Variants in FMN1 observed in about 807,000 individuals in gnomAD.
The protein encoded by FMN1 is formin-1.
Under a neutral mutation model 132.4 loss-of-function variants are expected in FMN1, and 110 were observed. That is an observed-to-expected ratio of 0.83 (90% CI 0.71 to 0.97). FMN1 has a LOEUF of 0.97. FMN1 is among the 50% of genes least tolerant of loss of function. The pLI, the probability that FMN1 is intolerant of heterozygous loss-of-function variation, is 0.00. For synonymous variants in FMN1, 722 were observed against 651.7 expected (o/e 1.11, Z -1.64); for missense variants, 1,792 against 1,705.3 (o/e 1.05, Z -0.90).
chr15:32,832,212 G>C (rs953957158), intron 17 of FMN1, among the ~76,000 whole-genome samples: 2 of 152,174 alleles, frequency 1.3e-5, no homozygotes, highest in African/African-American at 2.4e-5. Flanking sequence ...AATGGTAGCA[G>C]GGAAGACATA....
At chr15:32,849,342 T>C (rs959956386) in intron 17 of FMN1, among the ~76,000 whole-genome samples, 3 of 152,054 alleles carry the variant, frequency 2.0e-5, no homozygotes, top group Non-Finnish European at 4.4e-5. Context: ...ATTCATTTTT[T>C]GCTTCATTTT....
At chr15:33,101,286 G>A (rs1004451226) in intron 4 of FMN1, among the ~76,000 whole-genome samples, 1 of 152,088 alleles carries the variant, frequency 6.6e-6, no homozygotes, top group African/African-American at 2.4e-5. Context: ...TACTGGAGGA[G>A]GTTGGCGATT....
intron 17 of FMN1, among the ~76,000 whole-genome samples, chr15:32,824,656 CAATCAAGGCTCA>C (rs1017264106): frequency 8.5e-5 from 13 of 152,148 alleles, no homozygotes; most frequent in African/African-American, 3.1e-4. Flanking sequence ...CACAGTGGTG[CAATCAAGGCTCA>C]CTGGAGCCTC....
chr15:32,787,409 G>A (rs79070500), intron 19 of FMN1, among the ~76,000 whole-genome samples: 6,460 of 152,172 alleles, frequency 0.042, 190 homozygotes, highest in East Asian at 0.17. Flanking sequence ...TCTGACCTTC[G>A]GCCCTGACCG....
chr15:32,818,886 T>A (rs1459856005), intron 17 of FMN1, among the ~76,000 whole-genome samples: 2 of 150,108 alleles, frequency 1.3e-5, no homozygotes, highest in African/African-American at 4.9e-5. Context: ...CGCAGGAGCC[T>A]GAAGCTAATT....
At chr15:33,083,671 A>G (rs1464307467) in intron 5 of FMN1, among the ~76,000 whole-genome samples, 1 of 152,194 alleles carries the variant, frequency 6.6e-6, no homozygotes, top group African/African-American at 2.4e-5. Context: ...GTAATGTCAG[A>G]GACGTTTGAA....
rs78581846 is a variant in FMN1, at chr15:32,810,944, G to A, written c.3929-6612C>T. 1,058 of 456,038 alleles carry A rather than the reference G, an allele frequency of 2.3e-3. 15 individuals are homozygous for A. The highest frequency in any genetic ancestry group is 0.02 in the African/African-American group (1,000 of 50,174). 28.2% of individuals were successfully genotyped at this position (456,038 alleles called of 1,614,324 possible). A position where few individuals can be genotyped will look rare whatever the true frequency, so the allele number is the denominator to read the frequency against. On this transcript the variant is annotated intron_variant, in intron 17 of 20. Coordinates refer to ENST00000616417, the MANE Select transcript of FMN1 (RefSeq NM_001277313.2). ...TCTACAAATATGGGAGCCGGGTGAT[G>A]CTAACGAGGAAACAAAGGGACTGCG...
intron 17 of FMN1, among the ~76,000 whole-genome samples, chr15:32,826,547 G>A (rs1243887153): frequency 6.6e-6 from 1 of 152,170 alleles, no homozygotes; most frequent in Non-Finnish European, 1.5e-5. Context: ...AGGACCCCAG[G>A]GAAGCGCAGA....
At chr15:32,915,761 C>T (rs1004082858) in intron 10 of FMN1, among the ~76,000 whole-genome samples, 1 of 152,240 alleles carries the variant, frequency 6.6e-6, no homozygotes, top group African/African-American at 2.4e-5. Context: ...CAGCTCATTG[C>T]TACTGCAATA....
chr15:33,023,074 A>AG (rs1555383612), intron 6 of FMN1, among the ~76,000 whole-genome samples: 4 of 27,224 alleles, frequency 1.5e-4, no homozygotes, highest in African/African-American at 4.2e-4. Flanking sequence ...AAAAAAAAAA[A>AG]AAAGAAAAAA....
chr15:33,082,052 T>TGTGTGG (rs1457202525), intron 5 of FMN1, among the ~76,000 whole-genome samples: 1 of 132,276 alleles, frequency 7.6e-6, no homozygotes, highest in Non-Finnish European at 1.7e-5. Flanking sequence ...TGTGTGTGTG[T>TGTGTGG]GTAAGACGGA....
At chr15:33,092,773 T>C (rs959327808) in intron 4 of FMN1, among the ~76,000 whole-genome samples, 9 of 152,222 alleles carry the variant, frequency 5.9e-5, no homozygotes, top group Non-Finnish European at 1.0e-4. Context: ...CTGCTCCCAC[T>C]AGAAGCACTG....
intron 16 of FMN1, among the ~76,000 whole-genome samples, chr15:32,879,903 G>C (rs2059724278): frequency 6.6e-6 from 1 of 151,974 alleles, no homozygotes; most frequent in Admixed American, 6.6e-5. Context: ...GCAGTTTAAA[G>C]AATCAGTACA....
At chr15:33,134,813 C>T (rs1005126971) in intron 4 of FMN1, among the ~76,000 whole-genome samples, 6 of 152,174 alleles carry the variant, frequency 3.9e-5, no homozygotes, top group South Asian at 2.1e-4. Flanking sequence ...ACCAGCCTGG[C>T]GAACATGGCA....
At chr15:33,000,576 T>A (rs1596443338) in intron 7 of FMN1, among the ~76,000 whole-genome samples, 2 of 151,504 alleles carry the variant, frequency 1.3e-5, no homozygotes, top group East Asian at 3.9e-4. Context: ...TGCCCAAGAG[T>A]TCGAGACCAG....
chr15:32,866,088 G>T (rs376495721), intron 16 of FMN1, among the ~76,000 whole-genome samples: 1 of 151,702 alleles, frequency 6.6e-6, no homozygotes. Flanking sequence ...TGGGGTGGCG[G>T]GAGTGGGGAG....
chr15:33,038,625 A>C (rs894818342), intron 6 of FMN1, among the ~76,000 whole-genome samples: 6 of 152,268 alleles, frequency 3.9e-5, no homozygotes, highest in African/African-American at 1.4e-4. Context: ...GTAAGATTTA[A>C]TAATTAGTCA....
At position 33,148,939 on chromosome 15, in the gene FMN1, G is replaced by A. The variant is rs55733702; in HGVS notation, c.1867+4109C>T. ...GGACATGGGGAAAACATAGAAAAGT[G>A]TACTTTAGCTATAATTGTACTCCCC... On this transcript the variant is annotated intron_variant, in intron 4 of 20. Transcript: ENST00000616417. Among the ~76,000 whole-genome samples, 959 of 148,232 alleles carry A rather than the reference G, an allele frequency of 6.5e-3. 15 individuals are homozygous for A. Among genetic ancestry groups the A allele is most frequent in the African/African-American group, 0.024 (919 of 37,860 alleles).
Position 32,900,099 on chromosome 15 carries a change from C to T in FMN1, c.3534G>A (p.Lys1178=), listed in dbSNP as rs1344926934. 1.2e-6 allele frequency: 2 copies of T among 1,613,700 alleles called. No homozygotes were observed. Among genetic ancestry groups the T allele is most frequent in the Non-Finnish European group, 1.7e-6 (2 of 1,179,856 alleles). The change falls in exon 14 of 21, where the codon AAG becomes AAA. Residue 1178 remains lysine (K), a synonymous_variant. Coordinates refer to ENST00000616417, the MANE Select transcript of FMN1 (RefSeq NM_001277313.2). ...AAGCCAAGATGAGAGCTAAAATATC[C>T]TTCACGCTCTTCACGTGCAGCAAGT... ...SKDLLHVKSV[K]DILALILAFG...
Sources: allele counts gnomAD v4.1 joint callset (sites outside exome capture counted in the v4.1 genomes callset), GRCh38; gene constraint gnomAD v4.1.1; transcripts MANE v1.5; gene names NCBI Gene and HGNC (gene_info 2026-07-23, HGNC 2026-07-21).